The following KLF12 variants were observed in gnomAD, a reference collection of about 807,000 sequenced individuals.
KLF12 encodes Krueppel-like factor 12.
Under a neutral mutation model 37.8 loss-of-function variants are expected in KLF12, and 9 were observed. The observed-to-expected ratio is 0.24, with a 90% CI of 0.14 to 0.42. The LOEUF (loss-of-function observed/expected upper bound fraction) is 0.42, where lower values mean the gene tolerates loss of function less well. Among genes scored for constraint, KLF12 ranks in the 10% least tolerant of loss-of-function variants. The pLI, the probability that KLF12 is intolerant of heterozygous loss-of-function variation, is 1.00. For synonymous variants in KLF12, 208 were observed against 202.1 expected (o/e 1.03, Z -0.25); for missense variants, 411 against 516.0 (o/e 0.80, Z 1.97).
intron 6 of KLF12, among the ~76,000 whole-genome samples, chr13:73,729,512 A>G (rs1276703170): frequency 6.6e-6 from 1 of 152,242 alleles, no homozygotes; most frequent in Non-Finnish European, 1.5e-5. Flanking sequence ...TGAGGAAAGC[A>G]TAGCCTGGAG....
intron 3 of KLF12, among the ~76,000 whole-genome samples, chr13:73,893,422 C>T (rs1887609971): frequency 6.8e-6 from 1 of 146,786 alleles, no homozygotes; most frequent in African/African-American, 2.6e-5. Context: ...CACTCTTTCG[C>T]CCAGGCTAGA....
chr13:73,859,415 C>T (rs201967095), intron 3 of KLF12, among the ~76,000 whole-genome samples: 1 of 152,152 alleles, frequency 6.6e-6, no homozygotes, highest in African/African-American at 2.4e-5. Flanking sequence ...AATCCACCTC[C>T]CCATGCTGCC....
rs889586385 is a variant in KLF12 at position 73,962,175 on chromosome 13, T to A, written c.34-18105A>T. ...TTAGTTATCAAGCCATGAAAAGACA[T>A]GCAGGAACCTTACATGCATATTACT... On this transcript the variant is annotated intron_variant, in intron 2 of 7. Coordinates refer to ENST00000377669, the MANE Select transcript of KLF12 (RefSeq NM_007249.5). Among the ~76,000 whole-genome samples, 118 of 152,156 alleles carry A rather than the reference T, an allele frequency of 7.8e-4. 8 individuals are homozygous for A. The highest frequency in any genetic ancestry group is 2.9e-5 in the Non-Finnish European group (2 of 68,028).
intron 3 of KLF12, among the ~76,000 whole-genome samples, chr13:73,859,741 A>C (rs1360960432): frequency 1.3e-5 from 2 of 152,178 alleles, no homozygotes; most frequent in Non-Finnish European, 2.9e-5. Flanking sequence ...AGAATCCTGC[A>C]TTTTGTGCAG....
At chr13:73,760,298 A>C (rs1470204140) in intron 6 of KLF12, among the ~76,000 whole-genome samples, 4 of 152,164 alleles carry the variant, frequency 2.6e-5, no homozygotes, top group Admixed American at 1.3e-4. Flanking sequence ...CTACAAAATT[A>C]CTTCTATTTT....
At chr13:74,302,378 G>A in the KLF12 span, among the ~76,000 whole-genome samples, 2 of 152,148 alleles carry the variant, frequency 1.3e-5, no homozygotes, top group African/African-American at 2.4e-5. Context: ...GTGTTGGTTA[G>A]CATGTCACCT....
the KLF12 span, among the ~76,000 whole-genome samples, chr13:74,211,615 G>A: frequency 1.3e-5 from 2 of 152,168 alleles, no homozygotes; most frequent in African/African-American, 4.8e-5. Context: ...TTGACATTAT[G>A]TTATTCTTCC....
At chr13:74,232,455 T>C in the KLF12 span, among the ~76,000 whole-genome samples, 7 of 152,224 alleles carry the variant, frequency 4.6e-5, no homozygotes, top group Non-Finnish European at 8.8e-5. Flanking sequence ...GTTTGTATTA[T>C]TTCTTGAACC....
At chr13:74,235,026 C>A in the KLF12 span, among the ~76,000 whole-genome samples, 1 of 152,134 alleles carries the variant, frequency 6.6e-6, no homozygotes. Flanking sequence ...ATAACACAGT[C>A]TGGATGCAAG....
the KLF12 span, among the ~76,000 whole-genome samples, chr13:74,185,206 A>G: frequency 6.6e-6 from 1 of 152,230 alleles, no homozygotes; most frequent in African/African-American, 2.4e-5. Context: ...ACTATAACAC[A>G]ATAAATATTT....
chr13:74,123,761 T>C (rs1292364922), intron 1 of KLF12, among the ~76,000 whole-genome samples: 2 of 152,220 alleles, frequency 1.3e-5, no homozygotes, highest in Non-Finnish European at 2.9e-5. Flanking sequence ...AATGTGGACT[T>C]GCAAAGTTTT....
the KLF12 span, among the ~76,000 whole-genome samples, chr13:74,196,090 C>A: frequency 1.3e-5 from 2 of 152,148 alleles, no homozygotes; most frequent in Non-Finnish European, 2.9e-5. Flanking sequence ...AAGCACTTAC[C>A]AAGTGCAAAA....
At chr13:74,298,250 T>C in the KLF12 span, among the ~76,000 whole-genome samples, 43 of 152,272 alleles carry the variant, frequency 2.8e-4, no homozygotes, top group African/African-American at 1.0e-3. Context: ...TCAGAGGAAT[T>C]TGCCTGAAAG....
At chr13:74,060,853 A>C (rs987094248) in intron 1 of KLF12, among the ~76,000 whole-genome samples, 7 of 152,106 alleles carry the variant, frequency 4.6e-5, no homozygotes, top group African/African-American at 1.7e-4. Flanking sequence ...ACTGATCTCT[A>C]TTCACAGGTT....
the KLF12 span, among the ~76,000 whole-genome samples, chr13:74,279,815 G>C: frequency 5.9e-5 from 9 of 152,120 alleles, no homozygotes; most frequent in Admixed American, 3.3e-4. Flanking sequence ...TTTGATTTGA[G>C]ATTTTAAGGA....
intron 3 of KLF12, among the ~76,000 whole-genome samples, chr13:73,938,479 A>G (rs779462271): frequency 2.0e-5 from 3 of 152,152 alleles, no homozygotes; most frequent in South Asian, 4.1e-4. Flanking sequence ...AATCCTCTCA[A>G]TTCCAGTGTG....
chr13:74,042,435 A>G (rs955145636), intron 1 of KLF12, among the ~76,000 whole-genome samples: 4 of 152,086 alleles, frequency 2.6e-5, no homozygotes, highest in Admixed American at 1.3e-4. Context: ...GTAGCATTTC[A>G]CCCTGCCAGG....
chr13:73,862,055 GTTTTTTT>G (rs10591257), intron 3 of KLF12, among the ~76,000 whole-genome samples: 1 of 142,992 alleles, frequency 7.0e-6, no homozygotes, highest in African/African-American at 2.6e-5. Flanking sequence ...ATATAGTTGG[GTTTTTTT>G]TTTTTTTTTG....
chr13:73,838,814 T>A (rs1446808272), intron 4 of KLF12, among the ~76,000 whole-genome samples: 1 of 152,180 alleles, frequency 6.6e-6, no homozygotes, highest in Non-Finnish European at 1.5e-5. Context: ...GACAGAAATG[T>A]AGCAAAAGGG....
Sources: allele counts gnomAD v4.1 joint callset (sites outside exome capture counted in the v4.1 genomes callset), GRCh38; gene constraint gnomAD v4.1.1; transcripts MANE v1.5; gene names NCBI Gene and HGNC (gene_info 2026-07-23, HGNC 2026-07-21).